Variants in SUCLG2 observed in about 807,000 individuals in gnomAD.
SUCLG2 encodes succinate--CoA ligase [GDP-forming] subunit beta, mitochondrial.
A neutral mutation model predicts 47.9 loss-of-function variants in SUCLG2; 42 were observed. The observed-to-expected ratio is 0.88, with a 90% CI of 0.69 to 1.14. The LOEUF (loss-of-function observed/expected upper bound fraction) is 1.14, where lower values mean the gene tolerates loss of function less well. SUCLG2 is among the 50% of genes most tolerant of loss of function. SUCLG2 has a pLI of 0.00. For missense variants in SUCLG2, 571 were observed against 525.9 expected, an observed-to-expected ratio of 1.09 and a Z score of -0.84; for synonymous variants, 195 against 197.3, an observed-to-expected ratio of 0.99 and a Z score of 0.10.
intron 1 of SUCLG2, among the ~76,000 whole-genome samples, chr3:67,618,165 T>G (rs1255739455): frequency 1.3e-5 from 2 of 152,148 alleles, no homozygotes; most frequent in East Asian, 3.9e-4. Context: ...CTCACACCTG[T>G]AATACAAGCA....
At chr3:67,651,140 G>A (rs1010493941) in intron 1 of SUCLG2, among the ~76,000 whole-genome samples, 4 of 152,148 alleles carry the variant, frequency 2.6e-5, no homozygotes, top group Admixed American at 1.3e-4. Context: ...AAGTTTCAAA[G>A]CCAGCCTAAC....
At chr3:67,377,308 T>C (rs1397046398) in intron 10 of SUCLG2, among the ~76,000 whole-genome samples, 2 of 152,224 alleles carry the variant, frequency 1.3e-5, no homozygotes, top group Non-Finnish European at 2.9e-5. Context: ...ACAGTATAGC[T>C]GATGGTATAG....
chr3:67,442,890 T>A (rs895731317), intron 9 of SUCLG2, among the ~76,000 whole-genome samples: 2 of 152,110 alleles, frequency 1.3e-5, no homozygotes, highest in African/African-American at 2.4e-5. Flanking sequence ...GAAATGTGCA[T>A]CCCCTTCACA....
intron 2 of SUCLG2, among the ~76,000 whole-genome samples, chr3:67,588,160 C>T (rs923858351): frequency 6.6e-6 from 1 of 152,146 alleles, no homozygotes; most frequent in Non-Finnish European, 1.5e-5. Context: ...TTCTATGTTA[C>T]ACATCTGGTT....
At chr3:67,400,951 G>C in intron 9 of SUCLG2, 100 bp from the exon 10 acceptor site, 1 of 1,514,580 alleles carries the variant, frequency 6.6e-7, no homozygotes, top group Non-Finnish European at 8.9e-7. Context: ...AAGACTGCTC[G>C]TTTTTTTGTT....
chr3:67,466,881 C>T (rs775816086), intron 9 of SUCLG2, among the ~76,000 whole-genome samples: 35 of 152,326 alleles, frequency 2.3e-4, no homozygotes, highest in Non-Finnish European at 3.5e-4. Context: ...ATATAACATG[C>T]TTTACTGCTT....
chr3:67,508,962 C>A, intron 6 of SUCLG2, 59 bp from the exon 7 acceptor site: 1 of 1,343,000 alleles, frequency 7.4e-7, no homozygotes, highest in Non-Finnish European at 1.0e-6. Flanking sequence ...ATTTATTTTG[C>A]TGGATTAATG....
At chr3:67,478,004 T>C (rs1704812472) in intron 9 of SUCLG2, among the ~76,000 whole-genome samples, 1 of 152,218 alleles carries the variant, frequency 6.6e-6, no homozygotes, top group South Asian at 2.1e-4. Flanking sequence ...ATAGGTACTA[T>C]TATCATGTCT....
chr3:67,513,767 T>A (rs541614681), intron 6 of SUCLG2, among the ~76,000 whole-genome samples: 1 of 152,356 alleles, frequency 6.6e-6, no homozygotes, highest in South Asian at 2.1e-4. Flanking sequence ...ACTTTTGCCA[T>A]CAATTGTTAT....
At chr3:67,406,861 C>A (rs1314702541) in intron 9 of SUCLG2, among the ~76,000 whole-genome samples, 1 of 152,096 alleles carries the variant, frequency 6.6e-6, no homozygotes, top group Non-Finnish European at 1.5e-5. Flanking sequence ...GTATTTTTAA[C>A]CTTCATTTTA....
At chr3:67,592,164 GAAGAA>G (rs1708180420) in intron 2 of SUCLG2, among the ~76,000 whole-genome samples, 1 of 152,200 alleles carries the variant, frequency 6.6e-6, no homozygotes, top group Admixed American at 6.5e-5. Context: ...GGGAAAATTA[GAAGAA>G]AAGTATTTAG....
Position 67,642,918 on chromosome 3 carries a change from CTGTGTGTG to C in SUCLG2, c.84+11577_84+11584del, listed in dbSNP as rs3221813. Among the ~76,000 whole-genome samples the C allele has an allele frequency of 2.0e-4, 30 of 146,618 alleles. 1 individual carries two copies. Among genetic ancestry groups the C allele is most frequent in the African/African-American group, 4.5e-4 (18 of 40,044 alleles). ...CAGGCAAGTCCAACAGAAAAGGACT[CTGTGTGTG>C]TGTGTGTGTGTGTGTGTGTGTGTGT... On this transcript the variant is annotated intron_variant, in intron 1 of 10. Coordinates refer to ENST00000307227, the MANE Select transcript of SUCLG2 (RefSeq NM_003848.4).
At chr3:67,429,340 C>G (rs566969619) in intron 9 of SUCLG2, among the ~76,000 whole-genome samples, 6 of 152,278 alleles carry the variant, frequency 3.9e-5, no homozygotes, top group East Asian at 3.9e-4. Context: ...AATTTCATAT[C>G]CAGCCAAACT....
chr3:67,651,157 T>G (rs1701278427), intron 1 of SUCLG2, among the ~76,000 whole-genome samples: 1 of 152,290 alleles, frequency 6.6e-6, no homozygotes. Context: ...TAACTTAGAT[T>G]TATAACAGGG....
intron 1 of SUCLG2, among the ~76,000 whole-genome samples, chr3:67,625,075 CT>C (rs931413482): frequency 1.3e-4 from 20 of 152,190 alleles, no homozygotes; most frequent in African/African-American, 4.6e-4. Flanking sequence ...ACTAATGACT[CT>C]TCTTTTAGGA....
At chr3:67,441,762 AAAG>A (rs1450972140) in intron 9 of SUCLG2, among the ~76,000 whole-genome samples, 6 of 152,224 alleles carry the variant, frequency 3.9e-5, no homozygotes, top group South Asian at 2.1e-4. Context: ...TGCTGTTAGG[AAAG>A]AAGGAGAGGG....
At chr3:67,638,181 C>G (rs908965921) in intron 1 of SUCLG2, among the ~76,000 whole-genome samples, 2 of 152,184 alleles carry the variant, frequency 1.3e-5, no homozygotes, top group African/African-American at 4.8e-5. Flanking sequence ...CTCAACCTCT[C>G]TAAGCTTCAG....
At chr3:67,588,098 T>G (rs1267536720) in intron 2 of SUCLG2, among the ~76,000 whole-genome samples, 2 of 152,224 alleles carry the variant, frequency 1.3e-5, no homozygotes, top group African/African-American at 2.4e-5. Context: ...ACAATGAACC[T>G]TGTCTAAGAT....
In SUCLG2 at chr3:67,420,389, A is replaced by C. The variant is rs77710826; in HGVS notation, c.1063-19538T>G. Among the ~76,000 whole-genome samples, 1,088 of 152,348 alleles carry C rather than the reference A, an allele frequency of 7.1e-3. 14 individuals carry two copies. The highest frequency in any genetic ancestry group is 0.025 in the African/African-American group (1,029 of 41,590). On this transcript the variant is annotated intron_variant, in intron 9 of 10. Coordinates refer to ENST00000307227, the MANE Select transcript of SUCLG2 (RefSeq NM_003848.4). ...ATAATAATCTAGAATGTGTTCCAAAAACAAATTTGGCTGTATATTGGCAAA... is the reference window on the plus strand; with the variant it reads ...ATAATAATCTAGAATGTGTTCCAAACACAAATTTGGCTGTATATTGGCAAA...
Sources: gnomAD v4.1 joint callset for allele counts (sites outside exome capture counted in the v4.1 genomes callset) on GRCh38, gnomAD v4.1.1 for gene constraint, MANE v1.5 for transcripts, NCBI Gene and HGNC (gene_info 2026-07-23, HGNC 2026-07-21) for gene names.